SSH1: variants seen among roughly 807,000 people sequenced by gnomAD.
The protein encoded by SSH1 is protein phosphatase Slingshot homolog 1.
SSH1 carries 43 observed loss-of-function variants against 79.7 expected under a neutral mutation model. That is an observed-to-expected ratio of 0.54 (90% CI 0.42 to 0.70). SSH1 has a LOEUF of 0.70. SSH1 is among the 30% of genes least tolerant of loss of function. The pLI is 0.00. For synonymous variants in SSH1, 599 were observed against 538.3 expected, an observed-to-expected ratio of 1.11 and a Z score of -1.56; for missense variants, 1,206 against 1,358.8, an observed-to-expected ratio of 0.89 and a Z score of 1.77.
chr12:108,855,026 T>C (rs1462928111), intron 1 of SSH1, among the ~76,000 whole-genome samples: 4 of 152,240 alleles, frequency 2.6e-5, no homozygotes, highest in African/African-American at 7.2e-5. Context: ...TTTTACTTTA[T>C]GTTTATCAGG....
In SSH1 at chr12:108,785,984, C is replaced by T. The variant is rs2036261238; in HGVS notation, c.*2004G>A. On this transcript the variant is annotated 3_prime_UTR_variant, in exon 15 of 15. Coordinates refer to ENST00000326495, the MANE Select transcript of SSH1 (RefSeq NM_018984.4). ...AATTGACACTAGTGGGAAAACAGCT[C>T]CCTATAAAGTAATGTATGTATTTTT... 1.3e-5 allele frequency: 2 copies of T among 152,230 alleles called. No homozygotes were observed. Among genetic ancestry groups the T allele is most frequent in the Non-Finnish European group, 2.9e-5 (2 of 68,012 alleles). The allele number at this position is 152,230 out of a possible 1,614,324, so 9.4% of individuals were successfully genotyped here. A position where few individuals can be genotyped will look rare whatever the true frequency, so the allele number is the denominator to read the frequency against.
rs1281185607 is a variant in SSH1, at chr12:108,807,350, T to C, written c.731+283A>G. On this transcript the variant is annotated intron_variant, in intron 8 of 14. Transcript: ENST00000326495. This position sits in a 1 kb window ranked among gnomAD's most constrained non-coding sequence, Gnocchi z 5.2. ...AGTTGGGGACACAAAGGGCCACACATTCCTTTGAGAGTCTGATGGGAGTTA... is the reference window on the plus strand; with the variant it reads ...AGTTGGGGACACAAAGGGCCACACACTCCTTTGAGAGTCTGATGGGAGTTA... Among the ~76,000 whole-genome samples, 1 of 152,060 alleles carries C rather than the reference T, an allele frequency of 6.6e-6. No individual in the cohort carries two copies. The highest frequency in any genetic ancestry group is 6.5e-5 in the Admixed American group (1 of 15,280).
At chr12:108,820,636 A>G (rs1461799331) in intron 3 of SSH1, among the ~76,000 whole-genome samples, 1 of 152,188 alleles carries the variant, frequency 6.6e-6, no homozygotes, top group Non-Finnish European at 1.5e-5. Flanking sequence ...CAGAGAATAT[A>G]AGCCCTAGAA....
rs1290567863 is a variant in SSH1 at position 108,802,302 on chromosome 12, G to T, written c.1001+20C>A. 2 of 1,612,888 alleles carry T rather than the reference G, an allele frequency of 1.2e-6. No homozygotes were observed. The highest frequency in any genetic ancestry group is 1.1e-5 in the South Asian group (1 of 91,004). On this transcript the variant is annotated intron_variant, in intron 11 of 14. Transcript: ENST00000326495. ...TAAGCTGCCTGGAAGGACAGGGAAA[G>T]ACAAGGGGAGGAGACTCACCCTGAG...
At chr12:108,824,917 A>T (rs1306597725) in intron 2 of SSH1, among the ~76,000 whole-genome samples, 1 of 152,242 alleles carries the variant, frequency 6.6e-6, no homozygotes, top group African/African-American at 2.4e-5. Flanking sequence ...CACCAAAATT[A>T]TTAACAACGG....
rs1565964351 is a variant in SSH1 at position 108,788,569 on chromosome 12, CG to C, written c.2568del (p.Glu857ArgfsTer39). 1 of 1,597,034 alleles carries C rather than the reference CG, an allele frequency of 6.3e-7. No individual in the cohort carries two copies. Among genetic ancestry groups the C allele is most frequent in the African/African-American group, 1.3e-5 (1 of 74,524 alleles). On this transcript the variant is annotated frameshift_variant, in exon 15 of 15. Transcript: ENST00000326495. LOFTEE classifies it low-confidence loss of function (END_TRUNC). ...GPASRLEASI[P>X]EESQDPAALH... is the part of the protein sequence containing the mutation. The stretch of plus-strand genomic sequence containing the variant: ...AGCGCGGCTGGATCCTGGCTCTCCT[CG>C]GGGATGCTGGCCTCCAGCCTGCTGG...
chr12:108,853,583 C>T (rs942197549), intron 1 of SSH1, among the ~76,000 whole-genome samples: 2 of 151,982 alleles, frequency 1.3e-5, no homozygotes, highest in Non-Finnish European at 2.9e-5. Flanking sequence ...TAGGGAGGGG[C>T]CTGGGCAGCA....
rs771187066 is a variant in SSH1, at chr12:108,840,198, C to T, written c.110+12440G>A. Among the ~76,000 whole-genome samples, 4 of 152,122 alleles carry T rather than the reference C, an allele frequency of 2.6e-5. No homozygotes were observed. In the East Asian group the frequency reaches 5.8e-4, roughly 22 times the overall value. ...ACTACACCCACAAAGCAGGAGCCCC[C>T]GCACCCTCCAGCCCAATCGCTCAGT... is the stretch of plus-strand genomic sequence containing the variant. On this transcript the variant is annotated intron_variant, in intron 2 of 14. Coordinates refer to ENST00000326495, the MANE Select transcript of SSH1 (RefSeq NM_018984.4).
chr12:108,807,593 G>T lies in SSH1; in HGVS notation c.731+40C>A. 6.2e-7 allele frequency: 1 copy of T among 1,602,316 alleles called. No individual in the cohort carries two copies. Among genetic ancestry groups the T allele is most frequent in the Non-Finnish European group, 8.5e-7 (1 of 1,171,124 alleles). On this transcript the variant is annotated intron_variant, in intron 8 of 14. Coordinates refer to ENST00000326495, the MANE Select transcript of SSH1 (RefSeq NM_018984.4). The surrounding 1 kb of genome is among the most constrained non-coding windows in gnomAD (Gnocchi z 5.2). ...GCAGGTGGGGGAGAGGCAGGTGCCT[G>T]TGGGCTTGGGTGCGCTCACACCAGA... is the stretch of plus-strand genomic sequence containing the variant.
chr12:108,841,830 A>G lies in SSH1; in HGVS notation c.110+10808T>C, dbSNP rs543637587. 5.3e-5 allele frequency among the ~76,000 whole-genome samples: 6 copies of G among 114,234 alleles called. No homozygotes were observed. In the South Asian group the frequency reaches 9.8e-4, roughly 19 times the overall value. The allele number at this position is 114,234 out of a possible 152,430, so 74.9% of individuals were successfully genotyped here. On this transcript the variant is annotated intron_variant, in intron 2 of 14. Coordinates refer to ENST00000326495, the MANE Select transcript of SSH1 (RefSeq NM_018984.4). The stretch of plus-strand genomic sequence containing the variant: ...CCCCCCCCACAAAAAAAAAGTATAT[A>G]TGTGTGTGTGTGTATATATATATAT...
intron 2 of SSH1, among the ~76,000 whole-genome samples, chr12:108,847,071 A>AT (rs1217630479): frequency 2.5e-4 from 38 of 151,138 alleles, no homozygotes; most frequent in Admixed American, 4.0e-4. Flanking sequence ...TAATTTTTCT[A>AT]TTTTTTTTGC....
chr12:108,796,368 C>G (rs983207487), intron 13 of SSH1, among the ~76,000 whole-genome samples: 1 of 152,246 alleles, frequency 6.6e-6, no homozygotes, highest in Non-Finnish European at 1.5e-5. Context: ...CCATTCCCTT[C>G]TTCCAGTCCC....
rs1048591613 is a variant in SSH1 at position 108,779,823 on chromosome 12, C to T, written c.*8165G>A. On this transcript the variant is annotated 3_prime_UTR_variant, in exon 15 of 15. Coordinates refer to ENST00000326495, the MANE Select transcript of SSH1 (RefSeq NM_018984.4). Reference sequence around the variant, plus strand: ...CCGAGTAGCTGGGATTACAGGCGCCCGCCATCATGCCCGGCTAATTTTTGT... The same window carrying T: ...CCGAGTAGCTGGGATTACAGGCGCCTGCCATCATGCCCGGCTAATTTTTGT... 3 of 152,070 alleles carry T rather than the reference C, an allele frequency of 2.0e-5. No homozygotes were observed. Among genetic ancestry groups the T allele is most frequent in the East Asian group, 1.9e-4 (1 of 5,182 alleles). The allele number at this position is 152,070 out of a possible 1,614,324, so 9.4% of individuals were successfully genotyped here.
rs932283465 is a variant in SSH1 at position 108,781,426 on chromosome 12, C to T, written c.*6562G>A. On this transcript the variant is annotated 3_prime_UTR_variant, in exon 15 of 15. Transcript: ENST00000326495. ...AAAAAGAAAGACTTACCTAGCAGGACTAAATGTGCTAATCAGCATGTGAGC... is the reference window on the plus strand; with the variant it reads ...AAAAAGAAAGACTTACCTAGCAGGATTAAATGTGCTAATCAGCATGTGAGC... The T allele has an allele frequency of 2.0e-5, 3 of 152,170 alleles. No homozygotes were observed. The highest frequency in any genetic ancestry group is 4.8e-5 in the African/African-American group (2 of 41,444). 9.4% of individuals were successfully genotyped at this position (152,170 alleles called of 1,614,324 possible).
chr12:108,795,102 T>C lies in SSH1; in HGVS notation c.1350-2273A>G, dbSNP rs533965904. ...AAATTTGAAGCCCTCAAAATTATCTTCAGAGAAAGGCACAGACGTGTCTCC... is the reference window on the plus strand; with the variant it reads ...AAATTTGAAGCCCTCAAAATTATCTCCAGAGAAAGGCACAGACGTGTCTCC... On this transcript the variant is annotated intron_variant, in intron 13 of 14. Coordinates refer to ENST00000326495, the MANE Select transcript of SSH1 (RefSeq NM_018984.4). 8.3e-4 allele frequency among the ~76,000 whole-genome samples: 127 copies of C among 152,262 alleles called. 2 individuals are homozygous for C. Among genetic ancestry groups the C allele is most frequent in the Admixed American group, 8.3e-3 (127 of 15,284 alleles).
At chr12:108,819,781 C>A (rs925840482) in intron 3 of SSH1, among the ~76,000 whole-genome samples, 1 of 152,022 alleles carries the variant, frequency 6.6e-6, no homozygotes, top group Non-Finnish European at 1.5e-5. Context: ...CTGGGCAACA[C>A]GATAAGACCC....
chr12:108,792,174 G>A, intron 14 of SSH1, 112 bp downstream of exon 14: 1 of 1,562,894 alleles, frequency 6.4e-7, no homozygotes, highest in Non-Finnish European at 8.7e-7. Flanking sequence ...AAAAAAATCA[G>A]CTGGGTGTGG....
In SSH1 at chr12:108,779,223, G is replaced by A. The variant is rs1175952502; in HGVS notation, c.*8765C>T. 1 of 152,202 alleles carries A rather than the reference G, an allele frequency of 6.6e-6. No individual in the cohort carries two copies. The highest frequency in any genetic ancestry group is 2.4e-5 in the African/African-American group (1 of 41,450). The allele number at this position is 152,202 out of a possible 1,614,324, so 9.4% of individuals were successfully genotyped here. A position where few individuals can be genotyped will look rare whatever the true frequency, so the allele number is the denominator to read the frequency against. ...AAAAAAGGAATTTCAGGTTGAAAAT[G>A]GACTCTTAACAAGGTACTTCAGGAT... On this transcript the variant is annotated 3_prime_UTR_variant, in exon 15 of 15. Transcript: ENST00000326495.
rs1315689019 is a variant in SSH1 at position 108,792,773 on chromosome 12, GGCT to G, written c.1403_1405del (p.Gln468del). 1 of 1,613,818 alleles carries G rather than the reference GGCT, an allele frequency of 6.2e-7. No individual in the cohort carries two copies. Among genetic ancestry groups the G allele is most frequent in the Non-Finnish European group, 8.5e-7 (1 of 1,180,044 alleles). ...GCCAGGTCCTGCAGGGTCATCCACA[GGCT>G]GCTGGAGGCTGCTGTCTGTCTGCTG... is the stretch of plus-strand genomic sequence containing the variant. On this transcript the variant is annotated inframe_deletion, in exon 14 of 15. Coordinates refer to ENST00000326495, the MANE Select transcript of SSH1 (RefSeq NM_018984.4).
Sources: gnomAD v4.1 joint callset for allele counts (sites outside exome capture counted in the v4.1 genomes callset) on GRCh38, gnomAD v4.1.1 for gene constraint, Gnocchi (gnomAD v3.1) non-coding constraint, MANE v1.5 for transcripts, NCBI Gene and HGNC (gene_info 2026-07-23, HGNC 2026-07-21) for gene names.